The following IKZF2 variants were observed in gnomAD, a reference collection of about 807,000 sequenced individuals.
IKZF2 encodes the protein IKAROS family zinc finger 2, also known as zinc finger protein Helios.
IKZF2 carries 15 observed loss-of-function variants against 49.2 expected under a neutral mutation model. The ratio of observed to expected loss-of-function variants is 0.30; its 90% CI spans 0.20 to 0.47. IKZF2 has a LOEUF of 0.47. Among genes scored for constraint, IKZF2 ranks in the 20% least tolerant of loss-of-function variants. IKZF2 has a pLI of 1.00. For synonymous variants in IKZF2, 227 were observed against 221.4 expected (o/e 1.03, Z -0.23); for missense variants, 567 against 664.6 (o/e 0.85, Z 1.61).
At chr2:213,076,422 T>A (rs1435379688) in intron 4 of IKZF2, among the ~76,000 whole-genome samples, 1 of 152,138 alleles carries the variant, frequency 6.6e-6, no homozygotes, top group African/African-American at 2.4e-5. Context: ...AGGCATAGAA[T>A]CCCAACACAA....
intron 6 of IKZF2, among the ~76,000 whole-genome samples, chr2:213,037,129 A>G (rs1699110351): frequency 6.6e-6 from 1 of 152,216 alleles, no homozygotes; most frequent in Admixed American, 6.5e-5. Flanking sequence ...AAATCCATGC[A>G]GGGTACAAAA....
chr2:213,008,448 T>C (rs565999508), intron 8 of IKZF2, among the ~76,000 whole-genome samples: 2 of 152,070 alleles, frequency 1.3e-5, no homozygotes, highest in East Asian at 3.9e-4. Flanking sequence ...GCCAGGCTGG[T>C]CTAGAACTCC....
chr2:213,126,670 C>A (rs1297733172), intron 4 of IKZF2, among the ~76,000 whole-genome samples: 3 of 152,018 alleles, frequency 2.0e-5, no homozygotes, highest in Non-Finnish European at 1.5e-5. Flanking sequence ...AAGAAAAATG[C>A]AGACTTGCAA....
chr2:213,106,988 C>T (rs1162167097), intron 4 of IKZF2, among the ~76,000 whole-genome samples: 2 of 152,128 alleles, frequency 1.3e-5, no homozygotes, highest in Non-Finnish European at 2.9e-5. Flanking sequence ...GCAGATATAT[C>T]ATGCTGCTGA....
chr2:213,104,587 G>A (rs192314093), intron 4 of IKZF2, among the ~76,000 whole-genome samples: 534 of 152,232 alleles, frequency 3.5e-3, no homozygotes, highest in Non-Finnish European at 4.5e-3. Flanking sequence ...TGGGAAGGAG[G>A]TGTTCTCTTC....
At chr2:213,127,688 C>A (rs767961873) in intron 4 of IKZF2, among the ~76,000 whole-genome samples, 1 of 152,146 alleles carries the variant, frequency 6.6e-6, no homozygotes, top group African/African-American at 2.4e-5. Context: ...TAATCCAACC[C>A]AAATAAAAGT....
chr2:213,009,387 T>C lies in IKZF2; in HGVS notation c.857-1303A>G, dbSNP rs571453635. Among the ~76,000 whole-genome samples the C allele has an allele frequency of 7.2e-4, 109 of 152,244 alleles. 1 individual carries two copies. The highest frequency in any genetic ancestry group is 1.1e-3 in the Non-Finnish European group (76 of 67,988). On this transcript the variant is annotated intron_variant, in intron 8 of 8. Transcript: ENST00000434687. Reference sequence around the variant, plus strand: ...AGACAATGTGGTCTCTATTTACCAGTTACTTTCATAGGTAAATCTTACAGA... The same window carrying C: ...AGACAATGTGGTCTCTATTTACCAGCTACTTTCATAGGTAAATCTTACAGA...
intron 4 of IKZF2, among the ~76,000 whole-genome samples, chr2:213,114,815 C>T (rs2059817747): frequency 6.6e-6 from 1 of 151,792 alleles, no homozygotes; most frequent in African/African-American, 2.4e-5. Flanking sequence ...GCCTGTAGTC[C>T]CAGCTACTCA....
intron 8 of IKZF2, among the ~76,000 whole-genome samples, chr2:213,008,618 C>T (rs1252076000): frequency 3.3e-5 from 5 of 152,060 alleles, no homozygotes; most frequent in Non-Finnish European, 7.4e-5. Context: ...CATGAGAATG[C>T]ATCTAGTCTG....
intron 5 of IKZF2, among the ~76,000 whole-genome samples, chr2:213,052,049 T>C (rs930980338): frequency 6.6e-5 from 10 of 152,014 alleles, no homozygotes. Flanking sequence ...TGAAACAATA[T>C]CTTTTTTAAA....
chr2:213,126,084 T>A (rs974438642), intron 4 of IKZF2, among the ~76,000 whole-genome samples: 3 of 152,198 alleles, frequency 2.0e-5, no homozygotes, highest in Admixed American at 1.3e-4. Flanking sequence ...ATATCATTTT[T>A]ACCTAGAATC....
In IKZF2 at chr2:213,043,570, A is replaced by G. The variant is rs966489633; in HGVS notation, c.574+6143T>C. ...TATATCAGCAGTTCCCAACCTTTTC[A>G]CCACCAGGGACCAGTTTCATGGAAG... On this transcript the variant is annotated intron_variant, in intron 6 of 8. Coordinates refer to ENST00000434687, the MANE Select transcript of IKZF2 (RefSeq NM_001387220.1). Among the ~76,000 whole-genome samples the G allele has an allele frequency of 2.8e-4, 43 of 152,210 alleles. 1 individual carries two copies. The highest frequency in any genetic ancestry group is 2.4e-5 in the African/African-American group (1 of 41,444).
chr2:213,015,161 A>C (rs1207034703), intron 7 of IKZF2: 1 of 152,098 alleles, frequency 6.6e-6, no homozygotes, highest in Non-Finnish European at 1.5e-5. Flanking sequence ...ATTTTGAAGA[A>C]AATGAAACAT....
intron 6 of IKZF2, among the ~76,000 whole-genome samples, chr2:213,042,474 A>T (rs1216248774): frequency 6.6e-6 from 1 of 152,216 alleles, no homozygotes; most frequent in Non-Finnish European, 1.5e-5. Flanking sequence ...ATGTGTAGTC[A>T]CTAAGAGTCA....
At chr2:213,054,903 A>G (rs1164622598) in intron 5 of IKZF2, among the ~76,000 whole-genome samples, 2 of 152,144 alleles carry the variant, frequency 1.3e-5, no homozygotes, top group African/African-American at 4.8e-5. Flanking sequence ...TAACAAAAGG[A>G]CAGTAGAGTA....
intron 6 of IKZF2, among the ~76,000 whole-genome samples, chr2:213,047,347 T>A (rs1343806752): frequency 6.6e-6 from 1 of 152,224 alleles, no homozygotes; most frequent in East Asian, 1.9e-4. Flanking sequence ...AAGGAGTGGT[T>A]CATGTATGGT....
chr2:213,151,965 C>G (rs1407882027), upstream of IKZF2, among the ~76,000 whole-genome samples: 1 of 151,698 alleles, frequency 6.6e-6, no homozygotes, highest in East Asian at 1.9e-4. Flanking sequence ...GGCTCCGCGA[C>G]GCGCGCACTC....
At chr2:213,050,535 C>T (rs891253138) in intron 5 of IKZF2, among the ~76,000 whole-genome samples, 9 of 152,158 alleles carry the variant, frequency 5.9e-5, no homozygotes, top group African/African-American at 1.2e-4. Context: ...TTTTCAAATA[C>T]GGGCCAGGTT....
chr2:213,151,262 T>A (rs1006144592), intron 1 of IKZF2, among the ~76,000 whole-genome samples, 151 bp downstream of exon 1: 11 of 152,102 alleles, frequency 7.2e-5, no homozygotes, highest in African/African-American at 2.4e-4. Flanking sequence ...TTTGATCACA[T>A]CACAGTGCAA....
Sources: gnomAD v4.1 joint callset for allele counts (sites outside exome capture counted in the v4.1 genomes callset) on GRCh38, gnomAD v4.1.1 for gene constraint, MANE v1.5 for transcripts, NCBI Gene and HGNC (gene_info 2026-07-23, HGNC 2026-07-21) for gene names.